RASSF3: variants seen among roughly 807,000 people sequenced by gnomAD.
RASSF3 encodes ras association domain-containing protein 3.
Under a neutral mutation model 19.9 loss-of-function variants are expected in RASSF3, and 19 were observed. That is an observed-to-expected ratio of 0.96 (90% CI 0.67 to 1.40). RASSF3 has a LOEUF of 1.40. Ranked by LOEUF, RASSF3 falls within the 40% of genes most tolerant of loss-of-function variation. The probability of loss-of-function intolerance (pLI) is 0.00; values close to 1 mark genes in which losing one functional copy is unlikely to be tolerated. For synonymous variants in RASSF3, 110 were observed against 104.2 expected (o/e 1.06, Z -0.34); for missense variants, 306 against 289.8 (o/e 1.06, Z -0.41).
intron 1 of RASSF3, among the ~76,000 whole-genome samples, chr12:64,629,686 C>T (rs1399516619): frequency 1.3e-5 from 2 of 151,712 alleles, no homozygotes; most frequent in African/African-American, 2.4e-5. Flanking sequence ...TTATGTGGAC[C>T]AGGCGCGGTG....
chr12:64,548,599 T>C (rs1266769193), intron 2 of RASSF3, among the ~76,000 whole-genome samples: 1 of 152,206 alleles, frequency 6.6e-6, no homozygotes, highest in East Asian at 1.9e-4. Context: ...TAATACAGAT[T>C]CTGAAGGAGG....
chr12:64,675,833 G>A (rs182618335), intron 1 of RASSF3, among the ~76,000 whole-genome samples: 3 of 151,862 alleles, frequency 2.0e-5, no homozygotes, highest in African/African-American at 4.8e-5. Flanking sequence ...AAAGTTGCCC[G>A]CTTACAAGCT....
At chr12:64,601,417 C>G (rs188180611) in intron 2 of RASSF3, among the ~76,000 whole-genome samples, 2 of 152,310 alleles carry the variant, frequency 1.3e-5, no homozygotes, top group East Asian at 3.9e-4. Flanking sequence ...TTTTCAGAAG[C>G]TTTAGGTCTG....
upstream of RASSF3, among the ~76,000 whole-genome samples, chr12:64,531,931 G>A (rs183003286): frequency 3.3e-5 from 5 of 152,306 alleles, no homozygotes; most frequent in African/African-American, 7.2e-5. Context: ...TCCCCTCTAC[G>A]TGATCTGGCT....
At chr12:64,629,106 C>CTT (rs776053378) in intron 1 of RASSF3, among the ~76,000 whole-genome samples, 3 of 136,276 alleles carry the variant, frequency 2.2e-5, no homozygotes, top group African/African-American at 2.7e-5. Context: ...GACTAATTTT[C>CTT]TTTTTTTTTT....
rs1868337144 is a variant in RASSF3 at position 64,695,184 on chromosome 12, G to A, written c.*272G>A. On this transcript the variant is annotated 3_prime_UTR_variant, in exon 5 of 5. Coordinates refer to ENST00000542104, the MANE Select transcript of RASSF3 (RefSeq NM_178169.4). ...TCATCAGGAGCATTCGAGGGTGCTT[G>A]GAAGCATGAACTCTGGGGGTGTTTT... 2.9e-6 allele frequency: 1 copy of A among 346,294 alleles called. No individual in the cohort carries two copies. The highest frequency in any genetic ancestry group is 2.1e-5 in the African/African-American group (1 of 48,298). 21.5% of individuals were successfully genotyped at this position (346,294 alleles called of 1,614,324 possible).
chr12:64,560,381 T>C (rs1316504985), intron 2 of RASSF3, among the ~76,000 whole-genome samples: 1 of 152,194 alleles, frequency 6.6e-6, no homozygotes, highest in East Asian at 1.9e-4. Flanking sequence ...ACAGTCTCTA[T>C]TGCTTGTTAT....
intron 1 of RASSF3, among the ~76,000 whole-genome samples, chr12:64,673,582 C>T (rs1265064461): frequency 1.3e-5 from 2 of 152,076 alleles, no homozygotes; most frequent in South Asian, 2.1e-4. Flanking sequence ...CAGAGATCTC[C>T]GAGAGGACGG....
chr12:64,552,482 A>T (rs1869181586), intron 2 of RASSF3, among the ~76,000 whole-genome samples: 1 of 152,074 alleles, frequency 6.6e-6, no homozygotes, highest in African/African-American at 2.4e-5. Context: ...CCTAGGTATT[A>T]AGCCCAACAT....
At chr12:64,586,957 C>T (rs925138338) in intron 2 of RASSF3, among the ~76,000 whole-genome samples, 5 of 151,840 alleles carry the variant, frequency 3.3e-5, no homozygotes, top group African/African-American at 1.2e-4. Context: ...AATAATTTAC[C>T]CCAAACTACT....
upstream of RASSF3, among the ~76,000 whole-genome samples, chr12:64,606,242 C>T (rs543687004): frequency 3.9e-5 from 6 of 152,304 alleles, no homozygotes; most frequent in Admixed American, 2.6e-4. Flanking sequence ...GGGACCACTA[C>T]GACTGACTCT....
At chr12:64,655,010 A>G (rs1349587384) in intron 1 of RASSF3, 2 of 152,220 alleles carry the variant, frequency 1.3e-5, no homozygotes, top group Non-Finnish European at 2.9e-5. Flanking sequence ...ACTGACTATC[A>G]AGAACTCATT....
intron 1 of RASSF3, among the ~76,000 whole-genome samples, chr12:64,534,669 A>C (rs1236390349): frequency 6.6e-6 from 1 of 152,142 alleles, no homozygotes; most frequent in Non-Finnish European, 1.5e-5. Flanking sequence ...TGTGTATGAG[A>C]GAGAAAGAGA....
intron 1 of RASSF3, among the ~76,000 whole-genome samples, chr12:64,653,626 G>A (rs544006577): frequency 7.9e-5 from 12 of 151,506 alleles, no homozygotes; most frequent in Non-Finnish European, 1.6e-4. Flanking sequence ...GTGCATTGGC[G>A]CAAACATGGC....
At chr12:64,540,217 C>G (rs1868913107) in intron 1 of RASSF3, among the ~76,000 whole-genome samples, 1 of 152,132 alleles carries the variant, frequency 6.6e-6, no homozygotes, top group Admixed American at 6.5e-5. Flanking sequence ...TAAGACGGCT[C>G]CTTAAAAATT....
At chr12:64,611,218 T>A (rs1045139127) in intron 1 of RASSF3, among the ~76,000 whole-genome samples, 7 of 152,136 alleles carry the variant, frequency 4.6e-5, no homozygotes, top group African/African-American at 1.4e-4. Flanking sequence ...TGACCTCCCC[T>A]CTTCCTGGCC....
chr12:64,690,117 G>T (rs184960585), intron 3 of RASSF3, among the ~76,000 whole-genome samples: 39 of 151,128 alleles, frequency 2.6e-4, no homozygotes, highest in African/African-American at 8.7e-4. Flanking sequence ...TCTGTAGAGA[G>T]ATTTGCTTTT....
intron 1 of RASSF3, among the ~76,000 whole-genome samples, chr12:64,508,566 C>T (rs1017582548): frequency 1.3e-5 from 2 of 150,488 alleles, no homozygotes; most frequent in Admixed American, 6.6e-5. Context: ...ATCACCAAGG[C>T]AGGTATATGA....
intron 1 of RASSF3, among the ~76,000 whole-genome samples, chr12:64,682,188 T>G (rs1490438170): frequency 2.6e-5 from 4 of 152,102 alleles, no homozygotes. Context: ...AATGAACACA[T>G]TATCTTGTGC....
Sources: gnomAD v4.1 joint callset for allele counts (sites outside exome capture counted in the v4.1 genomes callset) on GRCh38, gnomAD v4.1.1 for gene constraint, MANE v1.5 for transcripts, NCBI Gene and HGNC (gene_info 2026-07-23, HGNC 2026-07-21) for gene names.